KCNJ6: variants seen among roughly 807,000 people sequenced by gnomAD.
The protein encoded by KCNJ6 is potassium inwardly rectifying channel subfamily J member 6.
In KCNJ6, 9 loss-of-function variants were observed where a neutral mutation model predicts 34.2. That is an observed-to-expected ratio of 0.26 (90% CI 0.16 to 0.46). KCNJ6 has a LOEUF of 0.46. KCNJ6 is among the 20% of genes least tolerant of loss of function. KCNJ6 has a pLI of 1.00. For synonymous variants in KCNJ6, 196 were observed against 207.1 expected (o/e 0.95, Z 0.46); for missense variants, 236 against 531.3 (o/e 0.44, Z 5.46).
chr21:37,774,388 G>A (rs536430532), intron 2 of KCNJ6, among the ~76,000 whole-genome samples: 3 of 151,898 alleles, frequency 2.0e-5, no homozygotes, highest in African/African-American at 7.2e-5. Context: ...TAGGGTACAT[G>A]TGCACAATGT....
chr21:37,690,381 A>G (rs2054634156), intron 3 of KCNJ6, among the ~76,000 whole-genome samples: 2 of 152,194 alleles, frequency 1.3e-5, no homozygotes, highest in South Asian at 4.1e-4. Flanking sequence ...ACTGCCTACC[A>G]TAAGACTTGC....
intron 2 of KCNJ6, among the ~76,000 whole-genome samples, chr21:37,782,081 T>C (rs956304655): frequency 6.6e-6 from 1 of 152,076 alleles, no homozygotes; most frequent in Non-Finnish European, 1.5e-5. Flanking sequence ...TACAAGAGCA[T>C]GGCAGGAGAG....
chr21:37,622,939 G>A lies in KCNJ6; in HGVS notation c.*2220C>T, dbSNP rs2054294802. The A allele has an allele frequency of 6.6e-6, 1 of 152,206 alleles. No individual in the cohort carries two copies. Among genetic ancestry groups the A allele is most frequent in the African/African-American group, 2.4e-5 (1 of 41,442 alleles). The allele number at this position is 152,206 out of a possible 1,614,324, so 9.4% of individuals were successfully genotyped here. ...CCTGCGACCCTGGCAAGGTTGCAGG[G>A]GAGCTCCCCAAGCCAAGAGTGCCCT... On this transcript the variant is annotated 3_prime_UTR_variant, in exon 4 of 4. Coordinates refer to ENST00000609713, the MANE Select transcript of KCNJ6 (RefSeq NM_002240.5).
chr21:37,657,793 G>A (rs965234889), intron 3 of KCNJ6, among the ~76,000 whole-genome samples: 3 of 152,320 alleles, frequency 2.0e-5, no homozygotes, highest in Middle Eastern at 3.4e-3. Context: ...TAACTGACCC[G>A]CCCAGGCCAC....
chr21:37,868,315 T>A (rs1024440249), intron 1 of KCNJ6, among the ~76,000 whole-genome samples: 1 of 152,238 alleles, frequency 6.6e-6, no homozygotes, highest in African/African-American at 2.4e-5. Flanking sequence ...ATTTGTACTG[T>A]CTGGAATATA....
In KCNJ6 at chr21:37,613,191, T is replaced by C. The variant is rs1054825480; in HGVS notation, c.*11968A>G. On this transcript the variant is annotated 3_prime_UTR_variant, in exon 4 of 4. Coordinates refer to ENST00000609713, the MANE Select transcript of KCNJ6 (RefSeq NM_002240.5). ...TGGAAAACAAGCATATAAAAATATG[T>C]CCCAAATCATGTCATTAGGGAATTG... The C allele has an allele frequency of 1.3e-5, 2 of 152,120 alleles. No homozygotes were observed. Among genetic ancestry groups the C allele is most frequent in the Admixed American group, 1.3e-4 (2 of 15,272 alleles). 9.4% of individuals were successfully genotyped at this position (152,120 alleles called of 1,614,324 possible).
intron 2 of KCNJ6, among the ~76,000 whole-genome samples, chr21:37,784,456 C>A (rs1408573803): frequency 6.6e-6 from 1 of 152,214 alleles, no homozygotes; most frequent in Non-Finnish European, 1.5e-5. Flanking sequence ...ATTGTCCCCA[C>A]AAAGTTCATG....
intron 2 of KCNJ6, among the ~76,000 whole-genome samples, chr21:37,758,704 G>C (rs2055044464): frequency 3.9e-5 from 6 of 152,098 alleles, no homozygotes. Context: ...GTGGTGCCGT[G>C]ATAGCTCACT....
chr21:37,634,954 G>T (rs556794831), intron 3 of KCNJ6, among the ~76,000 whole-genome samples: 1 of 151,784 alleles, frequency 6.6e-6, no homozygotes, highest in Non-Finnish European at 1.5e-5. Context: ...GATGGGTTTC[G>T]CCATGTTGGC....
At chr21:37,883,160 C>A (rs974527606) in intron 1 of KCNJ6, among the ~76,000 whole-genome samples, 3 of 152,228 alleles carry the variant, frequency 2.0e-5, no homozygotes, top group Admixed American at 2.0e-4. Context: ...GTTGCTTCAC[C>A]TCCTTATGCC....
At chr21:37,791,762 T>G (rs2055217902) in intron 2 of KCNJ6, among the ~76,000 whole-genome samples, 2 of 147,816 alleles carry the variant, frequency 1.4e-5, no homozygotes, top group Non-Finnish European at 3.0e-5. Flanking sequence ...AAAGATTGAT[T>G]TTTTTTTTAG....
chr21:37,875,811 A>G (rs1024507826), intron 1 of KCNJ6, among the ~76,000 whole-genome samples: 1 of 152,196 alleles, frequency 6.6e-6, no homozygotes, highest in South Asian at 2.1e-4. Context: ...GTTTCCATAC[A>G]AGGAACACCT....
At chr21:37,834,140 G>A (rs2055440374) in intron 2 of KCNJ6, among the ~76,000 whole-genome samples, 1 of 152,156 alleles carries the variant, frequency 6.6e-6, no homozygotes, top group Admixed American at 6.5e-5. Context: ...TGCAATCCAC[G>A]CCATGATGCC....
chr21:37,912,485 T>C (rs1412034253), intron 1 of KCNJ6, among the ~76,000 whole-genome samples: 5 of 152,204 alleles, frequency 3.3e-5, no homozygotes, highest in Admixed American at 3.3e-4. Flanking sequence ...CATTACTTTG[T>C]TTATCTAACA....
At position 37,714,417 on chromosome 21, in the gene KCNJ6, GTCTGTTTGGATTT is replaced by G; in HGVS notation, c.727_739del (p.Lys243ProfsTer9). 1 of 1,614,126 alleles carries G rather than the reference GTCTGTTTGGATTT, an allele frequency of 6.2e-7. No homozygotes were observed. Among genetic ancestry groups the G allele is most frequent in the Non-Finnish European group, 8.5e-7 (1 of 1,179,998 alleles). Reference sequence around the variant, plus strand: ...CAACGGGATGAACTCCCCCTCCGAGGTCTGTTTGGATTTGATCAACTTGGCTCTGATGGAAGCC... The same window carrying G: ...CAACGGGATGAACTCCCCCTCCGAGGGATCAACTTGGCTCTGATGGAAGCC... On this transcript the variant is annotated frameshift_variant, in exon 3 of 4. Coordinates refer to ENST00000609713, the MANE Select transcript of KCNJ6 (RefSeq NM_002240.5). LOFTEE classifies it high-confidence loss of function. This position sits in a 1 kb window ranked among gnomAD's most constrained non-coding sequence, Gnocchi z 5.9.
At chr21:37,859,905 G>A (rs1454407729) in intron 1 of KCNJ6, among the ~76,000 whole-genome samples, 3 of 152,056 alleles carry the variant, frequency 2.0e-5, no homozygotes, top group African/African-American at 7.2e-5. Context: ...TAATAGAATG[G>A]CTTCTTAGCG....
chr21:37,713,605 G>A (rs1334711224), intron 3 of KCNJ6, among the ~76,000 whole-genome samples: 2 of 152,148 alleles, frequency 1.3e-5, no homozygotes, highest in East Asian at 1.9e-4. Flanking sequence ...GAGGGCCGGC[G>A]GGATTAAGAT....
intron 3 of KCNJ6, among the ~76,000 whole-genome samples, chr21:37,645,446 A>G (rs1269064328): frequency 6.6e-6 from 1 of 152,216 alleles, no homozygotes; most frequent in Non-Finnish European, 1.5e-5. Context: ...AGCACCAGGA[A>G]GATGATAAAA....
chr21:37,767,197 T>C (rs775752727), intron 2 of KCNJ6, among the ~76,000 whole-genome samples: 2 of 152,180 alleles, frequency 1.3e-5, no homozygotes, highest in South Asian at 2.1e-4. Flanking sequence ...GCTTCAAGGA[T>C]TGGCGAGCAC....
Sources: gnomAD v4.1 joint callset for allele counts (sites outside exome capture counted in the v4.1 genomes callset) on GRCh38, gnomAD v4.1.1 for gene constraint, Gnocchi (gnomAD v3.1) non-coding constraint, MANE v1.5 for transcripts, NCBI Gene and HGNC (gene_info 2026-07-23, HGNC 2026-07-21) for gene names.